Variants in IKZF3 observed in about 807,000 individuals in gnomAD.
The protein encoded by IKZF3 is zinc finger protein Aiolos.
Under a neutral mutation model 49.0 loss-of-function variants are expected in IKZF3, and 10 were observed. That is an observed-to-expected ratio of 0.20 (90% confidence interval 0.13 to 0.35). The LOEUF (loss-of-function observed/expected upper bound fraction) is 0.35, where lower values mean the gene tolerates loss of function less well. Ranked by LOEUF, IKZF3 falls within the 10% of genes least tolerant of loss-of-function variation. IKZF3 has a pLI of 1.00. For synonymous variants in IKZF3, 209 were observed against 228.2 expected (o/e 0.92, Z 0.76); for missense variants, 498 against 664.8 (o/e 0.75, Z 2.76).
chr17:39,767,556 A>G (rs1158234574), intron 7 of IKZF3, among the ~76,000 whole-genome samples: 1 of 152,106 alleles, frequency 6.6e-6, no homozygotes, highest in African/African-American at 2.4e-5. Context: ...TTGCTAAACC[A>G]TATCCTTCTA....
At chr17:39,856,832 T>C (rs2063075306) in intron 1 of IKZF3, among the ~76,000 whole-genome samples, 1 of 151,600 alleles carries the variant, frequency 6.6e-6, no homozygotes, top group South Asian at 2.1e-4. Context: ...ATAATAATAA[T>C]TTTACATGAG....
At chr17:39,833,193 C>T (rs187409138) in intron 1 of IKZF3, among the ~76,000 whole-genome samples, 2 of 152,092 alleles carry the variant, frequency 1.3e-5, no homozygotes, top group Admixed American at 1.3e-4. Flanking sequence ...TATCAGTATA[C>T]CTCAGTCCTA....
intron 1 of IKZF3, among the ~76,000 whole-genome samples, chr17:39,861,523 G>A (rs536480752): frequency 1.2e-4 from 18 of 152,254 alleles, no homozygotes; most frequent in African/African-American, 4.1e-4. Flanking sequence ...CTACCAGGAC[G>A]CCACGGCCTT....
intron 7 of IKZF3, among the ~76,000 whole-genome samples, chr17:39,772,438 C>T (rs1331920345): frequency 6.6e-6 from 1 of 152,138 alleles, no homozygotes; most frequent in Non-Finnish European, 1.5e-5. Flanking sequence ...AGTGTTATCC[C>T]TCACTCTTAC....
At chr17:39,804,802 A>C (rs1411967032) in intron 3 of IKZF3, among the ~76,000 whole-genome samples, 1 of 151,944 alleles carries the variant, frequency 6.6e-6, no homozygotes, top group East Asian at 1.9e-4. Flanking sequence ...TACCTCACTT[A>C]TTTACTTATA....
intron 3 of IKZF3, among the ~76,000 whole-genome samples, chr17:39,804,362 C>G (rs1244495467): frequency 6.6e-6 from 1 of 151,674 alleles, no homozygotes; most frequent in Non-Finnish European, 1.5e-5. Context: ...GCAAGAGAAT[C>G]GCTTGAACCC....
At chr17:39,832,232 AC>A in intron 1 of IKZF3, 81 bp from the exon 2 acceptor site, 1 of 963,490 alleles carries the variant, frequency 1.0e-6, no homozygotes, top group Non-Finnish European at 1.6e-6. Context: ...AATAAGGGAT[AC>A]CATTTCGGAA....
intron 3 of IKZF3, among the ~76,000 whole-genome samples, chr17:39,794,397 T>C (rs775306006): frequency 1.4e-4 from 21 of 152,250 alleles, no homozygotes; most frequent in Non-Finnish European, 2.8e-4. Context: ...CATCAGTAAG[T>C]GTTGCTCCTC....
At chr17:39,818,380 T>C (rs2061725369) in intron 3 of IKZF3, among the ~76,000 whole-genome samples, 1 of 152,182 alleles carries the variant, frequency 6.6e-6, no homozygotes, top group African/African-American at 2.4e-5. Flanking sequence ...AACACTATAC[T>C]ATAATAAAAG....
Position 39,765,843 on chromosome 17 carries a change from A to T in IKZF3, c.1477T>A (p.Tyr493Asn). 6.2e-7 allele frequency: 1 copy of T among 1,613,996 alleles called. No homozygotes were observed. Among genetic ancestry groups the T allele is most frequent in the Non-Finnish European group, 8.5e-7 (1 of 1,179,910 alleles). The part of the protein sequence containing the change: ...NMCGYRSHDR[Y>N]EFSSHIARGE... ...CTGGCTATGTGAGACGAGAACTCATACCGATCATGGCTTCGATATCCACAC... is the reference window on the plus strand; with the variant it reads ...CTGGCTATGTGAGACGAGAACTCATTCCGATCATGGCTTCGATATCCACAC... The change falls in exon 8 of 8, where the codon TAT (tyrosine) becomes AAT (asparagine). Residue 493 changes from tyrosine (Y) to asparagine (N), a missense_variant. Transcript: ENST00000346872.
At chr17:39,859,708 TTATCATAAATA>T (rs2063164427) in intron 1 of IKZF3, among the ~76,000 whole-genome samples, 1 of 152,168 alleles carries the variant, frequency 6.6e-6, no homozygotes, top group Admixed American at 6.5e-5. Flanking sequence ...TAATTTCTAA[TTATCATAAATA>T]TACCAGTTAA....
chr17:39,846,242 T>C (rs2062627559), intron 1 of IKZF3, among the ~76,000 whole-genome samples: 1 of 152,170 alleles, frequency 6.6e-6, no homozygotes, highest in Admixed American at 6.6e-5. Flanking sequence ...CTGACATATA[T>C]ATTAGACTGT....
intron 1 of IKZF3, among the ~76,000 whole-genome samples, chr17:39,846,251 G>A (rs980889204): frequency 6.6e-6 from 1 of 152,118 alleles, no homozygotes; most frequent in African/African-American, 2.4e-5. Context: ...ATATTAGACT[G>A]TAAAAGTTAA....
At chr17:39,810,575 C>T (rs2061527764) in intron 3 of IKZF3, among the ~76,000 whole-genome samples, 1 of 147,958 alleles carries the variant, frequency 6.8e-6, no homozygotes, top group East Asian at 2.0e-4. Flanking sequence ...CTCTTGTATG[C>T]TTGAGTCATC....
chr17:39,817,195 C>T (rs1346651281), intron 3 of IKZF3, among the ~76,000 whole-genome samples: 1 of 152,098 alleles, frequency 6.6e-6, no homozygotes, highest in Non-Finnish European at 1.5e-5. Flanking sequence ...GAACTGGAAG[C>T]TTATAAAGAT....
chr17:39,838,968 G>C (rs1751094454), intron 1 of IKZF3, among the ~76,000 whole-genome samples: 1 of 151,874 alleles, frequency 6.6e-6, no homozygotes, highest in Non-Finnish European at 1.5e-5. Flanking sequence ...TGAGTACCTA[G>C]GACTACAGGT....
rs1430564047 is a variant in IKZF3, at chr17:39,759,208, G to A, written c.*6582C>T. 6.6e-6 allele frequency: 1 copy of A among 152,110 alleles called. No individual in the cohort carries two copies. The highest frequency in any genetic ancestry group is 2.4e-5 in the African/African-American group (1 of 41,382). The allele number at this position is 152,110 out of a possible 1,614,324, so 9.4% of individuals were successfully genotyped here. On this transcript the variant is annotated 3_prime_UTR_variant, in exon 8 of 8. Transcript: ENST00000346872. ...AGGTGGGCAGATTACTTGAGCCCAG[G>A]AGTTCAGGACCAGCCTGGGCAACAT...
chr17:39,833,967 C>G (rs1234039682), intron 1 of IKZF3, among the ~76,000 whole-genome samples: 1 of 152,178 alleles, frequency 6.6e-6, no homozygotes, highest in Non-Finnish European at 1.5e-5. Context: ...AGGATCCCTT[C>G]CAGGATCCCA....
intron 6 of IKZF3, chr17:39,778,131 A>T (rs780472610): frequency 1.0e-6 from 1 of 998,978 alleles, no homozygotes. Flanking sequence ...ACTGCGTGTG[A>T]CACCTGCAGA....
Sources: allele counts gnomAD v4.1 joint callset (sites outside exome capture counted in the v4.1 genomes callset), GRCh38; gene constraint gnomAD v4.1.1; transcripts MANE v1.5; gene names NCBI Gene and HGNC (gene_info 2026-07-23, HGNC 2026-07-21).